The following RALGDS variants were observed in gnomAD, a reference collection of about 807,000 sequenced individuals.
The protein encoded by RALGDS is ral guanine nucleotide dissociation stimulator.
In RALGDS, 44 loss-of-function variants were observed where a neutral mutation model predicts 99.8. The observed-to-expected ratio is 0.44, with a 90% CI of 0.35 to 0.57. The LOEUF is 0.57. Among genes scored for constraint, RALGDS ranks in the 20% least tolerant of loss-of-function variants. The probability of loss-of-function intolerance (pLI) is 0.01; values close to 1 mark genes in which losing one functional copy is unlikely to be tolerated. For missense variants in RALGDS, 1,022 were observed against 1,203.1 expected, an observed-to-expected ratio of 0.85 and a Z score of 2.23; for synonymous variants, 529 against 505.0, an observed-to-expected ratio of 1.05 and a Z score of -0.64.
chr9:133,116,017 C>T lies in RALGDS; in HGVS notation c.184-3865G>A, dbSNP rs113135478. 3.4e-3 allele frequency among the ~76,000 whole-genome samples: 515 copies of T among 152,376 alleles called. 4 individuals carry two copies. Among genetic ancestry groups the T allele is most frequent in the African/African-American group, 0.012 (487 of 41,588 alleles). ...TCCTACAGAGGTGGGGACCCATGCC[C>T]GAGGACAGGAGCCGGTGGGGCGTGT... On this transcript the variant is annotated intron_variant, in intron 1 of 17. Coordinates refer to ENST00000372050, the MANE Select transcript of RALGDS (RefSeq NM_006266.4).
At chr9:133,119,729 G>A (rs1048134140) in intron 1 of RALGDS, among the ~76,000 whole-genome samples, 1 of 151,970 alleles carries the variant, frequency 6.6e-6, no homozygotes, top group East Asian at 1.9e-4. Flanking sequence ...CAGAGCCCTG[G>A]ATAGATGAGG....
In RALGDS at chr9:133,098,481, TG is replaced by T; in HGVS notation, c.*105del. On this transcript the variant is annotated 3_prime_UTR_variant, in exon 18 of 18. Coordinates refer to ENST00000372050, the MANE Select transcript of RALGDS (RefSeq NM_006266.4). Reference sequence around the variant, plus strand: ...AGAGGTTCAGGATGAAACTGGAGTCTGGGGTACCCTGGGCTGGCAGGTGGGA... The same window carrying T: ...AGAGGTTCAGGATGAAACTGGAGTCTGGGTACCCTGGGCTGGCAGGTGGGA... 1 of 1,198,994 alleles carries T rather than the reference TG, an allele frequency of 8.3e-7. No homozygotes were observed. Among genetic ancestry groups the T allele is most frequent in the Non-Finnish European group, 1.2e-6 (1 of 827,232 alleles). The allele number at this position is 1,198,994 out of a possible 1,614,324, so 74.3% of individuals were successfully genotyped here.
At chr9:133,138,704 G>T (rs1022025527) in intron 1 of RALGDS, among the ~76,000 whole-genome samples, 1 of 152,156 alleles carries the variant, frequency 6.6e-6, no homozygotes, top group Admixed American at 6.5e-5. Flanking sequence ...GAGTGATCTC[G>T]GCTCGCTGCA....
chr9:133,102,359 G>A, intron 14 of RALGDS, 117 bp downstream of exon 14: 1 of 1,249,312 alleles, frequency 8.0e-7, no homozygotes, highest in East Asian at 2.4e-5. Context: ...CTCAGGGCCA[G>A]TCAGCAGCAG....
intron 1 of RALGDS, among the ~76,000 whole-genome samples, chr9:133,143,166 G>A (rs1832552623): frequency 6.6e-6 from 1 of 152,224 alleles, no homozygotes; most frequent in Admixed American, 6.5e-5. Context: ...GTGCAATGGT[G>A]ACTGACCACG....
chr9:133,129,074 T>C, intron 1 of RALGDS: 1 of 1,477,306 alleles, frequency 6.8e-7, no homozygotes. Flanking sequence ...CTCCCATGCC[T>C]GGGGCTCGGC....
At chr9:133,148,603 C>T (rs1481841516) in intron 1 of RALGDS, among the ~76,000 whole-genome samples, 2 of 152,220 alleles carry the variant, frequency 1.3e-5, no homozygotes, top group African/African-American at 4.8e-5. Flanking sequence ...CCTGTACGTG[C>T]GCGGAGAAGC....
chr9:133,123,092 T>C (rs1832004600), upstream of RALGDS, among the ~76,000 whole-genome samples: 1 of 152,066 alleles, frequency 6.6e-6, no homozygotes, highest in African/African-American at 2.4e-5. Flanking sequence ...TCCAAGCCGT[T>C]TGGCCAGGGA....
rs558777765 is a variant in RALGDS at position 133,121,181 on chromosome 9, CCGGCCCGGCGCGCGGCGGGGG to C, written c.-48_-28del. 0.054 allele frequency: 56,325 copies of C among 1,042,156 alleles called. 2,231 individuals are homozygous for C. Among genetic ancestry groups the C allele is most frequent in the Middle Eastern group, 0.062 (142 of 2,302 alleles). 64.6% of individuals were successfully genotyped at this position (1,042,156 alleles called of 1,614,324 possible). ...GAAGGCTCGCAGCGCGGGCGCGGGGCCGGCCCGGCGCGCGGCGGGGGCGGCGGCGCGGCCCGCGCGGCTGGG... is the reference window on the plus strand; with the variant it reads ...GAAGGCTCGCAGCGCGGGCGCGGGGCCGGCGGCGCGGCCCGCGCGGCTGGG... On this transcript the variant is annotated 5_prime_UTR_variant, in exon 1 of 18. Coordinates refer to ENST00000372050, the MANE Select transcript of RALGDS (RefSeq NM_006266.4).
intron 8 of RALGDS, 115 bp downstream of exon 8, chr9:133,106,530 A>G: frequency 1.3e-6 from 1 of 765,670 alleles, no homozygotes; most frequent in Non-Finnish European, 2.2e-6. Flanking sequence ...AACTCAGGTC[A>G]GTGAAGGGTC....
At chr9:133,109,580 T>G in intron 4 of RALGDS, 46 bp downstream of exon 4, 2 of 1,520,498 alleles carry the variant, frequency 1.3e-6, no homozygotes, top group Non-Finnish European at 1.8e-6. Context: ...TCTCCCACTG[T>G]TCGGTGGGGA....
At chr9:133,118,103 G>A (rs1831703502) in intron 1 of RALGDS, among the ~76,000 whole-genome samples, 1 of 152,152 alleles carries the variant, frequency 6.6e-6, no homozygotes, top group South Asian at 2.1e-4. Context: ...CTCTTCTGGG[G>A]GACCCTCCCG....
chr9:133,113,347 GGCCTCCT>G (rs1336958947), intron 1 of RALGDS, among the ~76,000 whole-genome samples: 2 of 152,174 alleles, frequency 1.3e-5, no homozygotes, highest in African/African-American at 2.4e-5. Flanking sequence ...ACGGGACCCT[GGCCTCCT>G]GCCTCCTGCG....
rs1382217077 is a variant in RALGDS, at chr9:133,101,964, C to A, written c.2185G>T (p.Glu729Ter). Residue 729 changes from glutamate (E) to a stop codon, truncating the protein, a stop_gained, in exon 15 of 18, where the codon GAG becomes TAG. Coordinates refer to ENST00000372050, the MANE Select transcript of RALGDS (RefSeq NM_006266.4). LOFTEE classifies it high-confidence loss of function. ...TTCTTTTCCTGGCCATCAGGAGACT[C>A]CGGGACGAAGCTGATGTTGATCTCC... ...VEEINISFVP[E>*]SPDGQEKKFW... 6.4e-7 allele frequency: 1 copy of A among 1,551,240 alleles called. No homozygotes were observed. The highest frequency in any genetic ancestry group is 8.7e-7 in the Non-Finnish European group (1 of 1,147,124).
intron 6 of RALGDS, among the ~76,000 whole-genome samples, chr9:133,107,543 C>G (rs544234937): frequency 1.6e-4 from 24 of 152,340 alleles, no homozygotes; most frequent in African/African-American, 5.3e-4. Context: ...CCCCCATCCC[C>G]CCGCCTCAGT....
At chr9:133,135,643 C>T (rs1386918534), upstream of RALGDS, among the ~76,000 whole-genome samples, 1 of 152,234 alleles carries the variant, frequency 6.6e-6, no homozygotes, top group Non-Finnish European at 1.5e-5. Flanking sequence ...GAGTCTTGGG[C>T]CAAACCCTCA....
chr9:133,104,267 T>G lies in RALGDS; in HGVS notation c.1667A>C (p.Glu556Ala), dbSNP rs1401025833. 6.8e-6 allele frequency: 11 copies of G among 1,613,392 alleles called. No individual in the cohort carries two copies. In the Admixed American group the frequency reaches 1.8e-4, roughly 27 times the overall value. The change falls in exon 10 of 18, where the codon GAG becomes GCG. Residue 556 changes from glutamate to alanine, a missense_variant. Coordinates refer to ENST00000372050, the MANE Select transcript of RALGDS (RefSeq NM_006266.4). ...NPKRAQKRPKETGIIQGTVPY... is the reference protein window; with the variant it reads ...NPKRAQKRPKATGIIQGTVPY... ...CGCGGCCTTGGGCACTCTCACCGTC[T>G]CCTTCGGCCGTTTCTGGGCTCTCTT...
At chr9:133,117,622 G>A (rs529368443) in intron 1 of RALGDS, among the ~76,000 whole-genome samples, 1 of 152,394 alleles carries the variant, frequency 6.6e-6, no homozygotes, top group Admixed American at 6.5e-5. Context: ...GAGGCTGCAT[G>A]CATCAGTGTC....
At chr9:133,140,969 C>G (rs944897095) in intron 1 of RALGDS, among the ~76,000 whole-genome samples, 1 of 152,178 alleles carries the variant, frequency 6.6e-6, no homozygotes, top group African/African-American at 2.4e-5. Flanking sequence ...CCCATGGGAT[C>G]ACCCTGAGCC....
Sources: allele counts gnomAD v4.1 joint callset (sites outside exome capture counted in the v4.1 genomes callset), GRCh38; gene constraint gnomAD v4.1.1; transcripts MANE v1.5; gene names NCBI Gene and HGNC (gene_info 2026-07-23, HGNC 2026-07-21).